Variants in POU6F2 observed in about 807,000 individuals in gnomAD.
POU6F2 encodes the protein POU domain, class 6, transcription factor 2.
Under a neutral mutation model 71.3 loss-of-function variants are expected in POU6F2, and 31 were observed. That is an observed-to-expected ratio of 0.43 (90% confidence interval 0.33 to 0.59). The LOEUF (loss-of-function observed/expected upper bound fraction) is 0.59, where lower values mean the gene tolerates loss of function less well. Among genes scored for constraint, POU6F2 ranks in the 20% least tolerant of loss-of-function variants. The pLI is 0.04. For synonymous variants in POU6F2, 347 were observed against 355.7 expected, an observed-to-expected ratio of 0.98 and a Z score of 0.27; for missense variants, 783 against 856.8, an observed-to-expected ratio of 0.91 and a Z score of 1.07.
chr7:39,085,458 G>A (rs1012008301), intron 1 of POU6F2, among the ~76,000 whole-genome samples: 1 of 151,974 alleles, frequency 6.6e-6, no homozygotes, highest in Non-Finnish European at 1.5e-5. Flanking sequence ...TGTTGCTGAA[G>A]TACAAACCCA....
intron 2 of POU6F2, among the ~76,000 whole-genome samples, chr7:39,088,126 T>G (rs1262240836): frequency 6.6e-6 from 1 of 152,204 alleles, no homozygotes; most frequent in African/African-American, 2.4e-5. Context: ...GTCTTTGGTC[T>G]CTAGACTGTT....
At chr7:39,066,999 A>G (rs951629634) in intron 1 of POU6F2, among the ~76,000 whole-genome samples, 3 of 148,140 alleles carry the variant, frequency 2.0e-5, no homozygotes, top group African/African-American at 4.9e-5. Context: ...TATATAATTC[A>G]TATATTAATA....
rs373746310 is a variant in POU6F2, at chr7:39,236,009, C to T, written c.598+28389C>T. ...ACAGGTGCGTCTGCATTTTCTGGAA[C>T]GTCTCTGGAGTAGATCTTTTATTCT... is the stretch of plus-strand genomic sequence containing the variant. On this transcript the variant is annotated intron_variant, in intron 4 of 9. Transcript: ENST00000518318. Among the ~76,000 whole-genome samples, 24 of 152,262 alleles carry T rather than the reference C, an allele frequency of 1.6e-4. No homozygotes were observed. The East Asian group carries it at 3.9e-3, about 24-fold the overall frequency.
chr7:38,989,823 GTGTT>G (rs1318620391), intron 1 of POU6F2, among the ~76,000 whole-genome samples: 47 of 119,580 alleles, frequency 3.9e-4, no homozygotes, highest in South Asian at 3.9e-3. Context: ...GTGTGTGTGT[GTGTT>G]TGTGTGTGTG....
At chr7:39,207,685 CA>C (rs1018312813) in intron 4 of POU6F2, 65 bp downstream of exon 4, 1,443 of 1,354,424 alleles carry the variant, frequency 1.1e-3, no homozygotes, top group Middle Eastern at 2.4e-3. Context: ...CTGAAGTGGG[CA>C]AAAAAAAATG....
intron 5 of POU6F2, among the ~76,000 whole-genome samples, chr7:39,345,230 A>G (rs971746405): frequency 6.6e-6 from 1 of 152,118 alleles, no homozygotes; most frequent in African/African-American, 2.4e-5. Context: ...CTTGATTACT[A>G]CGTTTCTGGA....
rs954505685 is a variant in POU6F2 at position 39,188,471 on chromosome 7, C to T, written c.278-15764C>T. Among the ~76,000 whole-genome samples the T allele has an allele frequency of 3.9e-5, 6 of 152,230 alleles. No individual in the cohort carries two copies. In the South Asian group the frequency reaches 1.2e-3, roughly 32 times the overall value. Reference sequence around the variant, plus strand: ...GGGATTGCAGGTGCACACCACCACCCCTGGCTAATTTTTGCATTTTTAGTA... The same window carrying T: ...GGGATTGCAGGTGCACACCACCACCTCTGGCTAATTTTTGCATTTTTAGTA... On this transcript the variant is annotated intron_variant, in intron 2 of 9. Coordinates refer to ENST00000518318, the MANE Select transcript of POU6F2 (RefSeq NM_001370959.1).
intron 2 of POU6F2, among the ~76,000 whole-genome samples, chr7:39,156,802 C>T (rs1792880162): frequency 6.6e-6 from 1 of 152,140 alleles, no homozygotes; most frequent in Admixed American, 6.5e-5. Context: ...TCTTCCCTTC[C>T]CTGCTTACCT....
At position 39,131,476 on chromosome 7, in the gene POU6F2, C is replaced by T. The variant is rs573638334; in HGVS notation, c.277+45445C>T. Among the ~76,000 whole-genome samples the T allele has an allele frequency of 2.0e-5, 3 of 152,322 alleles. No homozygotes were observed. The South Asian group carries it at 6.2e-4, about 32-fold the overall frequency. On this transcript the variant is annotated intron_variant, in intron 2 of 9. Transcript: ENST00000518318. ...GCACGCTGCTGCTGGTCCTCGCTGC[C>T]ATCAAGGGAGTGTTCTTTTTGACTG...
Position 39,053,643 on chromosome 7 carries a change from A to G in POU6F2, c.106-32217A>G, listed in dbSNP as rs564217040. ...TATAATCTGCAAGCATATGTTACAG[A>G]TAATTGCCCATTTTTTTTCTATTCT... On this transcript the variant is annotated intron_variant, in intron 1 of 9. Coordinates refer to ENST00000518318, the MANE Select transcript of POU6F2 (RefSeq NM_001370959.1). Among the ~76,000 whole-genome samples, 12 of 152,244 alleles carry G rather than the reference A, an allele frequency of 7.9e-5. No homozygotes were observed. In the South Asian group the frequency reaches 2.5e-3, roughly 32 times the overall value.
intron 2 of POU6F2, among the ~76,000 whole-genome samples, chr7:39,185,867 A>ATATATGTATATGTATATATT (rs1209862596): frequency 3.8e-4 from 56 of 148,112 alleles, no homozygotes; most frequent in Non-Finnish European, 6.2e-4. Flanking sequence ...GTATATATGT[A>ATATATGTATATGTATATATT]TATATGTATA....
At chr7:39,022,647 CAG>C (rs1193788364) in intron 1 of POU6F2, among the ~76,000 whole-genome samples, 1 of 152,114 alleles carries the variant, frequency 6.6e-6, no homozygotes, top group Non-Finnish European at 1.5e-5. Context: ...ATTCTTCACT[CAG>C]TGTAACATCT....
chr7:39,204,146 C>T lies in POU6F2; in HGVS notation c.278-89C>T, dbSNP rs976359263. ...GCACTGGAGATATTGATAAACCACT[C>T]TGTCATATCATCTATGCCTTAATGT... is the stretch of plus-strand genomic sequence containing the variant. On this transcript the variant is annotated intron_variant, in intron 2 of 9. Transcript: ENST00000518318. 12 of 1,113,778 alleles carry T rather than the reference C, an allele frequency of 1.1e-5. No homozygotes were observed. In the African/African-American group the frequency reaches 1.5e-4, roughly 14 times the overall value. 69.0% of individuals were successfully genotyped at this position (1,113,778 alleles called of 1,614,324 possible). A position where few individuals can be genotyped will look rare whatever the true frequency, so the allele number is the denominator to read the frequency against.
intron 6 of POU6F2, among the ~76,000 whole-genome samples, chr7:39,409,487 G>C (rs979688337): frequency 2.6e-5 from 4 of 152,126 alleles, no homozygotes; most frequent in African/African-American, 9.7e-5. Context: ...TTGAGTTTAG[G>C]CCCCACCTCT....
At chr7:39,108,757 A>G (rs369671112) in intron 2 of POU6F2, among the ~76,000 whole-genome samples, 3 of 152,364 alleles carry the variant, frequency 2.0e-5, no homozygotes, top group Admixed American at 6.5e-5. Context: ...AGATAAAACA[A>G]TCATTAACCA....
chr7:39,033,249 T>C (rs930656371), intron 1 of POU6F2, among the ~76,000 whole-genome samples: 1 of 152,238 alleles, frequency 6.6e-6, no homozygotes. Flanking sequence ...CCCGGCGAAC[T>C]GATATAGTTA....
intron 2 of POU6F2, among the ~76,000 whole-genome samples, chr7:39,195,417 G>C (rs1004186818): frequency 6.6e-6 from 1 of 152,210 alleles, no homozygotes; most frequent in African/African-American, 2.4e-5. Flanking sequence ...CTGCATGACA[G>C]ATTAGTACCC....
chr7:39,226,413 T>G (rs890596305), intron 4 of POU6F2, among the ~76,000 whole-genome samples: 4 of 152,240 alleles, frequency 2.6e-5, no homozygotes, highest in Admixed American at 1.3e-4. Flanking sequence ...TGTTGTTGAA[T>G]GCATTCAGCC....
At chr7:39,104,446 T>TA (rs1584544245) in intron 2 of POU6F2, among the ~76,000 whole-genome samples, 1 of 152,214 alleles carries the variant, frequency 6.6e-6, no homozygotes, top group Non-Finnish European at 1.5e-5. Context: ...GCTGGAACCT[T>TA]AGCTGGGCTT....
Sources: allele counts gnomAD v4.1 joint callset (sites outside exome capture counted in the v4.1 genomes callset), GRCh38; gene constraint gnomAD v4.1.1; transcripts MANE v1.5; gene names NCBI Gene and HGNC (gene_info 2026-07-23, HGNC 2026-07-21).